The following MYO1D variants were observed in gnomAD, a reference collection of about 807,000 sequenced individuals.
MYO1D encodes the protein unconventional myosin-Id.
In MYO1D, 83 loss-of-function variants were observed where a neutral mutation model predicts 122.0. The observed-to-expected ratio is 0.68, with a 90% CI of 0.57 to 0.82. MYO1D has a LOEUF of 0.82. Among genes scored for constraint, MYO1D ranks in the 40% least tolerant of loss-of-function variants. MYO1D has a pLI of 0.00. For synonymous variants in MYO1D, 464 were observed against 446.9 expected (o/e 1.04, Z -0.48); for missense variants, 1,157 against 1,269.5 (o/e 0.91, Z 1.35).
At chr17:32,636,983 C>T (rs2088109780) in intron 20 of MYO1D, among the ~76,000 whole-genome samples, 1 of 152,150 alleles carries the variant, frequency 6.6e-6, no homozygotes, top group Non-Finnish European at 1.5e-5. Flanking sequence ...TTTACCTTTA[C>T]TACTGTAGTT....
At chr17:32,709,816 A>G (rs1194115965) in intron 16 of MYO1D, among the ~76,000 whole-genome samples, 1 of 152,166 alleles carries the variant, frequency 6.6e-6, no homozygotes, top group East Asian at 1.9e-4. Flanking sequence ...AGCAACATAA[A>G]TCAATATTAT....
intron 16 of MYO1D, among the ~76,000 whole-genome samples, 170 bp downstream of exon 16, chr17:32,711,818 C>A (rs1365991039): frequency 6.6e-6 from 1 of 152,004 alleles, no homozygotes; most frequent in African/African-American, 2.4e-5. Context: ...TGAACTGGGG[C>A]AACCAAGTAA....
At chr17:32,745,177 A>T in intron 13 of MYO1D, 34 bp downstream of exon 13, 1 of 1,176,876 alleles carries the variant, frequency 8.5e-7, no homozygotes, top group Non-Finnish European at 1.2e-6. Context: ...CAATGAGCTT[A>T]ATCTAGAGTT....
intron 21 of MYO1D, among the ~76,000 whole-genome samples, chr17:32,509,677 C>T (rs933704156): frequency 1.3e-5 from 2 of 152,138 alleles, no homozygotes; most frequent in Non-Finnish European, 2.9e-5. Context: ...CAACCTCCGC[C>T]TCCCAGGTTC....
At chr17:32,586,411 T>C (rs1406226727) in intron 21 of MYO1D, among the ~76,000 whole-genome samples, 1 of 152,174 alleles carries the variant, frequency 6.6e-6, no homozygotes, top group Non-Finnish European at 1.5e-5. Flanking sequence ...GCAAATGACA[T>C]TTTGAACCCA....
intron 20 of MYO1D, among the ~76,000 whole-genome samples, chr17:32,620,070 A>G (rs2087834553): frequency 6.6e-6 from 1 of 152,216 alleles, no homozygotes; most frequent in South Asian, 2.1e-4. Context: ...GTGGAAGTCC[A>G]GGCCCCTCAA....
At chr17:32,736,469 C>G (rs964677675) in intron 14 of MYO1D, among the ~76,000 whole-genome samples, 2 of 152,134 alleles carry the variant, frequency 1.3e-5, no homozygotes, top group African/African-American at 4.8e-5. Flanking sequence ...GATGGTAGAG[C>G]GGAAGGACAG....
chr17:32,645,466 G>A (rs568411343), intron 19 of MYO1D, among the ~76,000 whole-genome samples: 427 of 152,290 alleles, frequency 2.8e-3, no homozygotes, highest in Middle Eastern at 6.8e-3. Flanking sequence ...TTAGGTTGGG[G>A]AAGTTCTCCT....
chr17:32,499,928 A>T (rs1909259067), intron 21 of MYO1D, among the ~76,000 whole-genome samples: 1 of 152,206 alleles, frequency 6.6e-6, no homozygotes, highest in Non-Finnish European at 1.5e-5. Context: ...GAGCCACCAC[A>T]CTCCAGCCTG....
chr17:32,867,798 C>CAAAA (rs5820001), intron 1 of MYO1D, among the ~76,000 whole-genome samples: 30 of 53,932 alleles, frequency 5.6e-4, no homozygotes, highest in Admixed American at 1.5e-3. Context: ...GACTCCGTCT[C>CAAAA]AAAAAAAAAA....
At chr17:32,751,291 A>G (rs1300583716) in intron 11 of MYO1D, among the ~76,000 whole-genome samples, 2 of 152,302 alleles carry the variant, frequency 1.3e-5, no homozygotes, top group African/African-American at 4.8e-5. Context: ...ACCCGTAGCA[A>G]ATGATGATAT....
intron 20 of MYO1D, among the ~76,000 whole-genome samples, chr17:32,638,265 C>T (rs114964992): frequency 0.019 from 2,936 of 152,262 alleles, 86 homozygotes; most frequent in African/African-American, 0.064. Context: ...AGTGGACTTA[C>T]ACCAAAGATC....
At chr17:32,740,062 T>C (rs1330957334) in intron 13 of MYO1D, among the ~76,000 whole-genome samples, 3 of 152,248 alleles carry the variant, frequency 2.0e-5, no homozygotes, top group South Asian at 2.1e-4. Flanking sequence ...AATGACTACA[T>C]AGATGTATAT....
At chr17:32,685,432 T>G (rs1164124792) in intron 16 of MYO1D, among the ~76,000 whole-genome samples, 1 of 152,222 alleles carries the variant, frequency 6.6e-6, no homozygotes, top group Non-Finnish European at 1.5e-5. Flanking sequence ...CTTCTCATCT[T>G]GAGAGGCTAT....
At chr17:32,852,824 AC>A (rs1246564801) in intron 1 of MYO1D, among the ~76,000 whole-genome samples, 2 of 152,192 alleles carry the variant, frequency 1.3e-5, no homozygotes, top group African/African-American at 4.8e-5. Flanking sequence ...GGTCCAAAAG[AC>A]CTTTTTGTGA....
Position 32,755,370 on chromosome 17 carries a change from T to C in MYO1D, c.1467+122A>G, listed in dbSNP as rs1045854875. On this transcript the variant is annotated intron_variant, in intron 11 of 21. Transcript: ENST00000318217. ...CAACAAATCATTTAATGAATGTTTA[T>C]GACTTTTCTTTCTTATTAAAGGGGA... 3 of 1,040,374 alleles carry C rather than the reference T, an allele frequency of 2.9e-6. No homozygotes were observed. In the African/African-American group the frequency reaches 4.9e-5, roughly 17 times the overall value. 64.4% of individuals were successfully genotyped at this position (1,040,374 alleles called of 1,614,324 possible). A position where few individuals can be genotyped will look rare whatever the true frequency, so the allele number is the denominator to read the frequency against.
At chr17:32,672,856 T>C (rs2088741666) in intron 16 of MYO1D, among the ~76,000 whole-genome samples, 1 of 152,030 alleles carries the variant, frequency 6.6e-6, no homozygotes, top group Non-Finnish European at 1.5e-5. Context: ...TTTATAGTAT[T>C]CCAATAATAA....
intron 20 of MYO1D, among the ~76,000 whole-genome samples, chr17:32,635,404 TA>T (rs1308817611): frequency 2.0e-5 from 3 of 152,014 alleles, no homozygotes; most frequent in African/African-American, 4.8e-5. Context: ...GTACCTTTAC[TA>T]AAATAAAAAA....
intron 1 of MYO1D, among the ~76,000 whole-genome samples, chr17:32,812,382 TAA>T (rs1357283964): frequency 6.6e-6 from 1 of 152,234 alleles, no homozygotes; most frequent in Non-Finnish European, 1.5e-5. Context: ...CTCACAGTTC[TAA>T]GAGTTTCTCT....
Sources: gnomAD v4.1 joint callset for allele counts (sites outside exome capture counted in the v4.1 genomes callset) on GRCh38, gnomAD v4.1.1 for gene constraint, MANE v1.5 for transcripts, NCBI Gene and HGNC (gene_info 2026-07-23, HGNC 2026-07-21) for gene names.